ZNF385D: variants seen among roughly 807,000 people sequenced by gnomAD.
ZNF385D encodes zinc finger protein 385D, also known as zinc finger protein 659.
In ZNF385D, 15 loss-of-function variants were observed where a neutral mutation model predicts 35.8. The observed-to-expected ratio is 0.42, with a 90% CI of 0.28 to 0.64. The LOEUF (loss-of-function observed/expected upper bound fraction) is 0.64, where lower values mean the gene tolerates loss of function less well. ZNF385D is among the 30% of genes least tolerant of loss of function. ZNF385D has a pLI of 0.23. For synonymous variants in ZNF385D, 212 were observed against 186.8 expected, an observed-to-expected ratio of 1.13 and a Z score of -1.10; for missense variants, 474 against 494.6, an observed-to-expected ratio of 0.96 and a Z score of 0.39.
intron 3 of ZNF385D, among the ~76,000 whole-genome samples, chr3:21,837,463 G>C (rs1695399739): frequency 6.6e-6 from 1 of 152,066 alleles, no homozygotes; most frequent in South Asian, 2.1e-4. Flanking sequence ...CTTCTTCATG[G>C]TATGGTGGGT....
At chr3:22,343,487 G>T (rs1695515306) in intron 2 of ZNF385D, among the ~76,000 whole-genome samples, 1 of 152,332 alleles carries the variant, frequency 6.6e-6, no homozygotes. Flanking sequence ...TCCCCTGGTG[G>T]GACTACCCTG....
intron 2 of ZNF385D, among the ~76,000 whole-genome samples, chr3:22,206,254 C>A (rs1358772921): frequency 6.6e-6 from 1 of 151,624 alleles, no homozygotes. Flanking sequence ...TATATGCATC[C>A]AACACTGGAA....
intron 4 of ZNF385D, among the ~76,000 whole-genome samples, chr3:21,490,050 G>A (rs1705314269): frequency 6.6e-6 from 1 of 152,086 alleles, no homozygotes; most frequent in Non-Finnish European, 1.5e-5. Context: ...TCTGAATTTA[G>A]CCTCTGCTTT....
At chr3:22,265,972 T>C (rs1243835232) in intron 2 of ZNF385D, among the ~76,000 whole-genome samples, 2 of 151,920 alleles carry the variant, frequency 1.3e-5, no homozygotes, top group Non-Finnish European at 2.9e-5. Flanking sequence ...TAAAATATGC[T>C]GTCTCTTCTA....
intron 3 of ZNF385D, among the ~76,000 whole-genome samples, chr3:22,164,848 G>C (rs1706209371): frequency 6.6e-6 from 1 of 151,956 alleles, no homozygotes; most frequent in Non-Finnish European, 1.5e-5. Flanking sequence ...AAAGGAATGA[G>C]CTATCAAGCC....
At chr3:21,859,390 G>A (rs1039604549) in intron 3 of ZNF385D, among the ~76,000 whole-genome samples, 4 of 150,186 alleles carry the variant, frequency 2.7e-5, no homozygotes, top group African/African-American at 7.4e-5. Context: ...GTAGTTAGTT[G>A]TCTTTGGAAA....
At chr3:21,780,073 T>C (rs1334067599) in intron 3 of ZNF385D, among the ~76,000 whole-genome samples, 1 of 151,844 alleles carries the variant, frequency 6.6e-6, no homozygotes, top group Non-Finnish European at 1.5e-5. Flanking sequence ...AATTAGTGAA[T>C]AGTCCACACC....
rs1225579351 is a variant in ZNF385D at position 21,807,641 on chromosome 3, T to C, written c.326-142613A>G. Among the ~76,000 whole-genome samples the C allele has an allele frequency of 2.0e-5, 3 of 152,258 alleles. No homozygotes were observed. In the East Asian group the frequency reaches 5.8e-4, roughly 29 times the overall value. ...AAATTTTACTTAAAATATATTTAAA[T>C]AACTTAGTTTAGTAATAATAAAATG... is the stretch of plus-strand genomic sequence containing the variant. On this transcript the variant is annotated intron_variant, in intron 3 of 5. Transcript: ENST00000494108.
chr3:21,893,238 G>A (rs746617182), intron 3 of ZNF385D, among the ~76,000 whole-genome samples: 2 of 152,162 alleles, frequency 1.3e-5, no homozygotes, highest in African/African-American at 2.4e-5. Flanking sequence ...AAACTGGATT[G>A]TCATCGTACC....
At chr3:21,793,354 C>T (rs1469919301) in intron 3 of ZNF385D, among the ~76,000 whole-genome samples, 3 of 152,162 alleles carry the variant, frequency 2.0e-5, no homozygotes, top group African/African-American at 7.2e-5. Context: ...CCAGAAAAGT[C>T]AGCTCATTTG....
At chr3:21,522,543 T>A (rs1242431071) in intron 3 of ZNF385D, among the ~76,000 whole-genome samples, 1 of 152,140 alleles carries the variant, frequency 6.6e-6, no homozygotes, top group Non-Finnish European at 1.5e-5. Flanking sequence ...TTTCACTGTA[T>A]TGGCCAGGCT....
At chr3:21,802,674 T>C (rs966014089) in intron 3 of ZNF385D, among the ~76,000 whole-genome samples, 2 of 152,212 alleles carry the variant, frequency 1.3e-5, no homozygotes, top group Non-Finnish European at 2.9e-5. Flanking sequence ...ATACACTCAA[T>C]AGAACACTTG....
intron 2 of ZNF385D, among the ~76,000 whole-genome samples, chr3:22,314,104 T>C (rs1290113036): frequency 1.3e-5 from 2 of 152,180 alleles, no homozygotes; most frequent in African/African-American, 2.4e-5. Context: ...TTTACTTTTT[T>C]AAACTGTTTT....
rs117663330 is a variant in ZNF385D, at chr3:21,433,433, C to A, written c.673+3537G>T. 2.0e-5 allele frequency among the ~76,000 whole-genome samples: 3 copies of A among 152,322 alleles called. No homozygotes were observed. The East Asian group carries it at 5.8e-4, about 29-fold the overall frequency. ...GCAAGGGAAACATTTCCCCACCCTGCAGCCTGGCTGCTTCAGATCAGAATT... is the reference window on the plus strand; with the variant it reads ...GCAAGGGAAACATTTCCCCACCCTGAAGCCTGGCTGCTTCAGATCAGAATT... On this transcript the variant is annotated intron_variant, in intron 5 of 7. Coordinates refer to ENST00000281523, the MANE Select transcript of ZNF385D (RefSeq NM_024697.3).
At chr3:22,337,295 G>T (rs73039287) in intron 2 of ZNF385D, among the ~76,000 whole-genome samples, 4,495 of 152,176 alleles carry the variant, frequency 0.03, 81 homozygotes, top group South Asian at 0.078. Flanking sequence ...ATTTTGAAAG[G>T]TCGAGGTGGG....
chr3:21,933,285 A>T (rs1480501515), intron 3 of ZNF385D, among the ~76,000 whole-genome samples: 2 of 152,206 alleles, frequency 1.3e-5, no homozygotes, highest in Non-Finnish European at 2.9e-5. Context: ...GCAAAGGTTC[A>T]TCACAGCTTC....
chr3:21,855,539 TG>T (rs1280541114), intron 3 of ZNF385D, among the ~76,000 whole-genome samples: 1 of 152,018 alleles, frequency 6.6e-6, no homozygotes, highest in Admixed American at 6.6e-5. Context: ...TTAGAATCAC[TG>T]CATTAATCAG....
chr3:22,212,696 T>C (rs1576504110), intron 2 of ZNF385D, among the ~76,000 whole-genome samples: 1 of 152,002 alleles, frequency 6.6e-6, no homozygotes, highest in Non-Finnish European at 1.5e-5. Flanking sequence ...TAAAAGCTCA[T>C]CTTAGGGTTA....
chr3:21,788,855 A>T (rs1053065315), intron 3 of ZNF385D, among the ~76,000 whole-genome samples: 1 of 152,202 alleles, frequency 6.6e-6, no homozygotes, highest in African/African-American at 2.4e-5. Flanking sequence ...GCACTGGCCA[A>T]TGTGGCCAAT....
Sources: allele counts gnomAD v4.1 joint callset (sites outside exome capture counted in the v4.1 genomes callset), GRCh38; gene constraint gnomAD v4.1.1; transcripts MANE v1.5; gene names NCBI Gene and HGNC (gene_info 2026-07-23, HGNC 2026-07-21).